CCSER1: variants seen among roughly 807,000 people sequenced by gnomAD.
The protein encoded by CCSER1 is coiled-coil serine rich protein 1.
In CCSER1, 41 loss-of-function variants were observed where a neutral mutation model predicts 82.0. That is an observed-to-expected ratio of 0.50 (90% CI 0.39 to 0.65). The LOEUF (loss-of-function observed/expected upper bound fraction) is 0.65. Among genes scored for constraint, CCSER1 ranks in the 30% least tolerant of loss-of-function variants. The pLI is 0.00. For missense variants in CCSER1, 1,119 were observed against 1,064.2 expected, an observed-to-expected ratio of 1.05 and a Z score of -0.72; for synonymous variants, 414 against 383.9, an observed-to-expected ratio of 1.08 and a Z score of -0.92.
chr4:91,384,341 T>C (rs1011857697), intron 10 of CCSER1, among the ~76,000 whole-genome samples: 2 of 151,986 alleles, frequency 1.3e-5, no homozygotes, highest in African/African-American at 2.4e-5. Flanking sequence ...GGGAAAACAA[T>C]TCCAATATTT....
intron 10 of CCSER1, among the ~76,000 whole-genome samples, chr4:91,559,576 G>T (rs1252073697): frequency 6.6e-6 from 1 of 151,268 alleles, no homozygotes; most frequent in Non-Finnish European, 1.5e-5. Flanking sequence ...GACAATTCTG[G>T]ATTACTTTAT....
rs769921871 is a variant in CCSER1, at chr4:90,666,823, G to A, written c.1932+38591G>A. 1.4e-4 allele frequency among the ~76,000 whole-genome samples: 22 copies of A among 152,202 alleles called. No individual in the cohort carries two copies. In the Middle Eastern group the frequency reaches 0.014, roughly 95 times the overall value. ...AAAGTAGAAAATTTTGTGGGGGAGA[G>A]GAGGAATCAGGGAAATGTATCAGGA... On this transcript the variant is annotated intron_variant, in intron 6 of 10. Coordinates refer to ENST00000509176, the MANE Select transcript of CCSER1 (RefSeq NM_001145065.2).
intron 10 of CCSER1, among the ~76,000 whole-genome samples, chr4:91,583,983 C>T (rs1165619027): frequency 6.6e-6 from 1 of 151,436 alleles, no homozygotes. Context: ...TGTTTCCTTA[C>T]AAAATGTTCA....
intron 5 of CCSER1, among the ~76,000 whole-genome samples, chr4:90,623,385 C>T (rs1722715311): frequency 6.6e-6 from 1 of 151,966 alleles, no homozygotes; most frequent in Admixed American, 6.6e-5. Flanking sequence ...TGCAAAGGCC[C>T]TGAGGCAGGA....
chr4:90,889,002 CAGAT>C (rs913209869), intron 8 of CCSER1, among the ~76,000 whole-genome samples: 1 of 152,062 alleles, frequency 6.6e-6, no homozygotes, highest in Non-Finnish European at 1.5e-5. Flanking sequence ...CATAGTTTGT[CAGAT>C]AGTCCAATTT....
chr4:90,712,553 T>C (rs1740831111), intron 6 of CCSER1, among the ~76,000 whole-genome samples: 1 of 152,072 alleles, frequency 6.6e-6, no homozygotes, highest in Non-Finnish European at 1.5e-5. Context: ...GTTTTACTTC[T>C]AATTTTGTGA....
At chr4:90,912,280 C>G (rs775008958) in intron 8 of CCSER1, among the ~76,000 whole-genome samples, 2 of 152,178 alleles carry the variant, frequency 1.3e-5, no homozygotes, top group Non-Finnish European at 2.9e-5. Flanking sequence ...TGGTACCACT[C>G]TGAGATGAAA....
chr4:90,515,116 A>G (rs748238013), intron 5 of CCSER1, among the ~76,000 whole-genome samples: 7 of 152,136 alleles, frequency 4.6e-5, no homozygotes, highest in African/African-American at 7.2e-5. Flanking sequence ...TTGGCCTCCC[A>G]AAGTGCTGGG....
intron 10 of CCSER1, among the ~76,000 whole-genome samples, chr4:91,390,399 C>T (rs138793589): frequency 8.5e-4 from 129 of 151,690 alleles, no homozygotes; most frequent in African/African-American, 3.1e-3. Context: ...CTTGATCATG[C>T]TGTATTATAA....
chr4:90,731,865 C>A (rs182773424), intron 7 of CCSER1, among the ~76,000 whole-genome samples: 18 of 152,218 alleles, frequency 1.2e-4, no homozygotes, highest in Non-Finnish European at 2.9e-5. Flanking sequence ...TGTAGGTCGA[C>A]TAGACTCATC....
chr4:91,459,272 A>G (rs1157323591), intron 10 of CCSER1, among the ~76,000 whole-genome samples: 2 of 152,120 alleles, frequency 1.3e-5, no homozygotes, highest in Non-Finnish European at 1.5e-5. Flanking sequence ...GAGGTTATAG[A>G]GCATAATTAT....
intron 10 of CCSER1, among the ~76,000 whole-genome samples, chr4:91,157,856 C>T (rs1156764436): frequency 6.6e-6 from 1 of 151,926 alleles, no homozygotes; most frequent in Non-Finnish European, 1.5e-5. Flanking sequence ...TCAAAGTCTT[C>T]TTATGTTTAG....
intron 1 of CCSER1, among the ~76,000 whole-genome samples, chr4:90,135,609 T>G (rs1447391667): frequency 1.3e-5 from 2 of 152,218 alleles, no homozygotes; most frequent in Non-Finnish European, 2.9e-5. Context: ...GTTAGACTTT[T>G]TCTAAGTATT....
chr4:90,310,529 A>G (rs1238654702), intron 2 of CCSER1, among the ~76,000 whole-genome samples: 1 of 152,128 alleles, frequency 6.6e-6, no homozygotes, highest in Non-Finnish European at 1.5e-5. Context: ...ATTATAAGCT[A>G]TTTTGCAGGC....
intron 10 of CCSER1, among the ~76,000 whole-genome samples, chr4:91,158,278 A>G (rs939689465): frequency 6.6e-6 from 1 of 152,016 alleles, no homozygotes; most frequent in Non-Finnish European, 1.5e-5. Context: ...TTGCCTAATC[A>G]TATAAATGTT....
chr4:90,518,188 T>A (rs1347345177), intron 5 of CCSER1, among the ~76,000 whole-genome samples: 1 of 152,110 alleles, frequency 6.6e-6, no homozygotes, highest in Non-Finnish European at 1.5e-5. Context: ...AAATAAATTT[T>A]TCCACAGAGG....
chr4:91,399,815 A>C (rs776617606), intron 10 of CCSER1, among the ~76,000 whole-genome samples: 3 of 152,036 alleles, frequency 2.0e-5, no homozygotes, highest in African/African-American at 7.2e-5. Flanking sequence ...TATGTGAGGT[A>C]AATTTATAGT....
intron 7 of CCSER1, among the ~76,000 whole-genome samples, chr4:90,810,576 C>A (rs1346377293): frequency 6.6e-6 from 1 of 151,692 alleles, no homozygotes; most frequent in Non-Finnish European, 1.5e-5. Context: ...ACCTGGGAGG[C>A]AGATGTTGCG....
Position 90,726,935 on chromosome 4 carries a change from A to G in CCSER1, c.2010+2944A>G, listed in dbSNP as rs1451200897. On this transcript the variant is annotated intron_variant, in intron 7 of 10. Coordinates refer to ENST00000509176, the MANE Select transcript of CCSER1 (RefSeq NM_001145065.2). ...CACCACAGTCATCACCATTCCTACT[A>G]TATTCATGCCAGGTGATGAATGCAT... 4.6e-5 allele frequency among the ~76,000 whole-genome samples: 7 copies of G among 152,266 alleles called. No individual in the cohort carries two copies. In the South Asian group the frequency reaches 1.0e-3, roughly 23 times the overall value.
Sources: allele counts gnomAD v4.1 joint callset (sites outside exome capture counted in the v4.1 genomes callset), GRCh38; gene constraint gnomAD v4.1.1; transcripts MANE v1.5; gene names NCBI Gene and HGNC (gene_info 2026-07-23, HGNC 2026-07-21).